The following FSIP2 variants were observed in gnomAD, a reference collection of about 807,000 sequenced individuals.
The protein encoded by FSIP2 is fibrous sheath-interacting protein 2.
In FSIP2, 367 loss-of-function variants were observed where a neutral mutation model predicts 510.5. The observed-to-expected ratio is 0.72, with a 90% CI of 0.66 to 0.78. FSIP2 has a LOEUF of 0.78. Ranked by LOEUF, FSIP2 falls within the 30% of genes least tolerant of loss-of-function variation. The pLI, the probability that FSIP2 is intolerant of heterozygous loss-of-function variation, is 0.00. For missense variants in FSIP2, 7,594 were observed against 7,901.7 expected (o/e 0.96, Z 1.48); for synonymous variants, 2,601 against 2,732.2 (o/e 0.95, Z 1.50).
At chr2:185,752,213 T>C (rs923704276) in intron 7 of FSIP2, among the ~76,000 whole-genome samples, 7 of 151,072 alleles carry the variant, frequency 4.6e-5, no homozygotes, top group Non-Finnish European at 7.4e-5. Context: ...GAATTCACCA[T>C]TGACTTTTTT....
intron 9 of FSIP2, among the ~76,000 whole-genome samples, chr2:185,757,974 ATTACCTCTGGGATTATTAGTTATG>A (rs1405717987): frequency 1.7e-4 from 26 of 151,070 alleles, no homozygotes; most frequent in African/African-American, 6.3e-4. Flanking sequence ...ATAATCCCAG[ATTACCTCTGGGATTATTAGTTATG>A]TTACCTCTGG....
Position 185,803,052 on chromosome 2 carries a change from A to G in FSIP2, c.13746A>G (p.Lys4582=). Residue 4582 remains lysine (K), a synonymous_variant, in exon 17 of 23, where the codon AAA becomes AAG. Transcript: ENST00000424728. ...ATAGAATAGCAGGTTTCATCATTAA[A>G]CATATCTGTCAAAAACATCTTCAGC... The part of the protein sequence containing the change: ...LIDRIAGFII[K]HICQKHLQPF... The G allele has an allele frequency of 6.6e-7, 1 of 1,518,700 alleles. No individual in the cohort carries two copies. Among genetic ancestry groups the G allele is most frequent in the Non-Finnish European group, 8.8e-7 (1 of 1,139,710 alleles). 94.1% of individuals were successfully genotyped at this position (1,518,700 alleles called of 1,614,324 possible). A position where few individuals can be genotyped will look rare whatever the true frequency, so the allele number is the denominator to read the frequency against.
At chr2:185,775,026 A>G (rs28675674) in intron 13 of FSIP2, among the ~76,000 whole-genome samples, 7,130 of 67,974 alleles carry the variant, frequency 0.1, 397 homozygotes, top group Middle Eastern at 0.14. Context: ...ATTGTGAATA[A>G]TGCCGCAATA....
intron 13 of FSIP2, among the ~76,000 whole-genome samples, chr2:185,769,212 C>T (rs937484048): frequency 6.6e-6 from 1 of 152,094 alleles, no homozygotes; most frequent in Non-Finnish European, 1.5e-5. Flanking sequence ...AATCATCACA[C>T]GACTTTCCAC....
At position 185,753,718 on chromosome 2, in the gene FSIP2, G is replaced by T; in HGVS notation, c.871-4G>T. 1.8e-6 allele frequency: 2 copies of T among 1,116,568 alleles called. No individual in the cohort carries two copies. Among genetic ancestry groups the T allele is most frequent in the Non-Finnish European group, 2.5e-6 (2 of 795,810 alleles). The allele number at this position is 1,116,568 out of a possible 1,614,324, so 69.2% of individuals were successfully genotyped here. A position where few individuals can be genotyped will look rare whatever the true frequency, so the allele number is the denominator to read the frequency against. ...TAACCAATATATTTTCTTTAATATT[G>T]TAGAAACAAGATCTTCTAGAGAAAA... is the stretch of plus-strand genomic sequence containing the variant. On this transcript the variant is annotated splice_polypyrimidine_tract_variant and splice_region_variant and intron_variant, in intron 7 of 22. Coordinates refer to ENST00000424728, the MANE Select transcript of FSIP2 (RefSeq NM_173651.4).
chr2:185,752,200 G>A (rs7575226), intron 7 of FSIP2, among the ~76,000 whole-genome samples: 81,980 of 150,340 alleles, frequency 0.55, 22,568 homozygotes, highest in South Asian at 0.64. Flanking sequence ...TCAACTGGGT[G>A]TAGAATTCAC....
At chr2:185,774,127 C>A (rs1692667696) in intron 13 of FSIP2, among the ~76,000 whole-genome samples, 1 of 152,086 alleles carries the variant, frequency 6.6e-6, no homozygotes, top group South Asian at 2.1e-4. Context: ...ATTCTTTTCA[C>A]ACCTGCACAG....
intron 1 of FSIP2, 67 bp downstream of exon 1, chr2:185,739,060 G>T: frequency 1.4e-6 from 2 of 1,478,426 alleles, no homozygotes; most frequent in Non-Finnish European, 1.8e-6. Flanking sequence ...AGCGGGGCAG[G>T]GATCGCCACA....
At chr2:185,747,162 T>C in intron 6 of FSIP2, 151 bp from the exon 7 acceptor site, 2 of 546,600 alleles carry the variant, frequency 3.7e-6, no homozygotes, top group East Asian at 5.7e-5. Flanking sequence ...GTAAGAAAAG[T>C]ATATTCTAAA....
At chr2:185,738,664 C>G, upstream of FSIP2, 1 of 1,536,102 alleles carries the variant, frequency 6.5e-7, no homozygotes, top group Admixed American at 2.0e-5. Context: ...GATCAGGCCT[C>G]TCGGACCGAT....
At chr2:185,759,990 G>C (rs992444627) in intron 9 of FSIP2, among the ~76,000 whole-genome samples, 1 of 133,692 alleles carries the variant, frequency 7.5e-6, no homozygotes, top group African/African-American at 2.6e-5. Flanking sequence ...TTTGTGATGA[G>C]ACATGATCAT....
At chr2:185,814,111 T>A (rs1693790368) in intron 18 of FSIP2, 69 bp downstream of exon 18, 3 of 1,412,914 alleles carry the variant, frequency 2.1e-6, no homozygotes, top group Non-Finnish European at 2.9e-6. Context: ...CCCAAGAATG[T>A]ACCTTGATTA....
chr2:185,833,026 C>T (rs1278837205), intron 22 of FSIP2, 64 bp from the exon 23 acceptor site: 2 of 1,446,960 alleles, frequency 1.4e-6, no homozygotes, highest in South Asian at 1.2e-5. Flanking sequence ...TGACCTTAGG[C>T]AAGGTATTTT....
At position 185,793,678 on chromosome 2, in the gene FSIP2, C is replaced by G. The variant is rs1289063664; in HGVS notation, c.6542C>G (p.Thr2181Ser). Residue 2181 changes from threonine to serine, a missense_variant, in exon 16 of 23, where the codon ACT (threonine) becomes AGT (serine). Coordinates refer to ENST00000424728, the MANE Select transcript of FSIP2 (RefSeq NM_173651.4). ...ATLVINAKNPTSARLPLTFCD... is the reference protein window; with the variant it reads ...ATLVINAKNPSSARLPLTFCD... ...CTTGTCATAAATGCAAAGAATCCTA[C>G]TTCTGCAAGATTGCCCCTGACATTT... is the stretch of plus-strand genomic sequence containing the variant. 1 of 1,534,754 alleles carries G rather than the reference C, an allele frequency of 6.5e-7. No individual in the cohort carries two copies. The highest frequency in any genetic ancestry group is 2.4e-5 in the East Asian group (1 of 40,826).
In FSIP2 at chr2:185,789,268, T is replaced by C; in HGVS notation, c.2132T>C (p.Ile711Thr). Residue 711 changes from isoleucine to threonine, a missense_variant, in exon 16 of 23, where the codon ATT (isoleucine) becomes ACT (threonine). Ile to Thr is a moderately conservative substitution (Grantham distance 89). Transcript: ENST00000424728. ...KGETEVILES[I>T]LREIMSDLTQ... Reference sequence around the variant, plus strand: ...GAAACTGAAGTGATTTTAGAAAGCATTTTGCGAGAAATAATGTCTGATTTA... The same window carrying C: ...GAAACTGAAGTGATTTTAGAAAGCACTTTGCGAGAAATAATGTCTGATTTA... The C allele has an allele frequency of 1.3e-6, 2 of 1,534,658 alleles. No individual in the cohort carries two copies. Among genetic ancestry groups the C allele is most frequent in the South Asian group, 2.4e-5 (2 of 84,040 alleles).
Position 185,806,913 on chromosome 2 carries a change from G to A in FSIP2, c.17607G>A (p.Arg5869=). Residue 5869 remains arginine (R), a synonymous_variant, in exon 17 of 23, where the codon AGG becomes AGA. Coordinates refer to ENST00000424728, the MANE Select transcript of FSIP2 (RefSeq NM_173651.4). ...KVSSVPKVPP[R]YKEPTTDEAP... ...CTTCAGTTCCTAAAGTACCTCCAAG[G>A]TATAAAGAGCCAACTACAGATGAAG... 1 of 1,611,232 alleles carries A rather than the reference G, an allele frequency of 6.2e-7. No individual in the cohort carries two copies. Among genetic ancestry groups the A allele is most frequent in the Non-Finnish European group, 8.5e-7 (1 of 1,178,646 alleles).
At position 185,790,309 on chromosome 2, in the gene FSIP2, G is replaced by C. The variant is rs1375858411; in HGVS notation, c.3173G>C (p.Arg1058Thr). Residue 1058 changes from arginine (R) to threonine (T), a missense_variant, in exon 16 of 23, where the codon AGA (arginine) becomes ACA (threonine). Arg to Thr is a moderately conservative substitution (Grantham distance 71). Transcript: ENST00000424728. ...AAACCACCTACAAAGCCTGGTTCTA[G>C]AAGCAAAGCTGCATTTCATGATTGG... ...NIKPPTKPGS[R>T]SKAAFHDWEL... is the part of the protein sequence containing the mutation. 6.5e-7 allele frequency: 1 copy of C among 1,533,722 alleles called. No individual in the cohort carries two copies. The highest frequency in any genetic ancestry group is 2.0e-5 in the Admixed American group (1 of 50,820).
intron 7 of FSIP2, among the ~76,000 whole-genome samples, chr2:185,749,645 C>A (rs1287788329): frequency 6.6e-6 from 1 of 151,618 alleles, no homozygotes; most frequent in Non-Finnish European, 1.5e-5. Context: ...TTCTTGATCA[C>A]ACTGCTTGAA....
At chr2:185,757,748 G>A (rs1325497064) in intron 9 of FSIP2, among the ~76,000 whole-genome samples, 1 of 151,232 alleles carries the variant, frequency 6.6e-6, no homozygotes, top group Non-Finnish European at 1.5e-5. Flanking sequence ...TTCTTAGCTT[G>A]TCTTTGTATT....
Sources: allele counts gnomAD v4.1 joint callset (sites outside exome capture counted in the v4.1 genomes callset), GRCh38; gene constraint gnomAD v4.1.1; transcripts MANE v1.5; gene names NCBI Gene and HGNC (gene_info 2026-07-23, HGNC 2026-07-21).